TTC31: variants seen among roughly 807,000 people sequenced by gnomAD.
The protein encoded by TTC31 is tetratricopeptide repeat protein 31.
A neutral mutation model predicts 60.4 loss-of-function variants in TTC31; 59 were observed. That is an observed-to-expected ratio of 0.98 (90% CI 0.79 to 1.21). The LOEUF (loss-of-function observed/expected upper bound fraction) is 1.21, where lower values mean the gene tolerates loss of function less well. TTC31 is among the 50% of genes most tolerant of loss of function. TTC31 has a pLI of 0.00. For synonymous variants in TTC31, 225 were observed against 249.6 expected (o/e 0.90, Z 0.93); for missense variants, 672 against 646.9 (o/e 1.04, Z -0.42).
chr2:74,492,788 A>T, intron 12 of TTC31, 41 bp downstream of exon 12: 2 of 1,605,434 alleles, frequency 1.2e-6, no homozygotes, highest in Middle Eastern at 1.7e-4. Context: ...GGCGGGTATC[A>T]GGGAGAATTG....
At chr2:74,485,178 C>G (rs1262576114) in intron 2 of TTC31, among the ~76,000 whole-genome samples, 1 of 151,974 alleles carries the variant, frequency 6.6e-6, no homozygotes, top group African/African-American at 2.4e-5. Context: ...AGACACCCAC[C>G]ACCACGCCCA....
rs745839013 is a variant in TTC31 at position 74,493,233 on chromosome 2, C to G, written c.*15C>G. 6.2e-7 allele frequency: 1 copy of G among 1,613,460 alleles called. No individual in the cohort carries two copies. Among genetic ancestry groups the G allele is most frequent in the African/African-American group, 1.3e-5 (1 of 74,916 alleles). The stretch of plus-strand genomic sequence containing the variant: ...AGGCCAGATGAGGGGGCACCGGTCC[C>G]TCATAGGGCAGGGCCATGTATATAT... On this transcript the variant is annotated 3_prime_UTR_variant, in exon 13 of 13. Transcript: ENST00000233623.
In TTC31 at chr2:74,489,941, G is replaced by A. The variant is rs1673614974; in HGVS notation, c.130-84G>A. Reference sequence around the variant, plus strand: ...ATAGCTGGTTGGTGGCTGCCATGGTGGAGAGATCAAGCCAGCGAAGCCCTT... The same window carrying A: ...ATAGCTGGTTGGTGGCTGCCATGGTAGAGAGATCAAGCCAGCGAAGCCCTT... On this transcript the variant is annotated intron_variant, in intron 2 of 12. Transcript: ENST00000233623. 3 of 974,314 alleles carry A rather than the reference G, an allele frequency of 3.1e-6. No homozygotes were observed. In the Admixed American group the frequency reaches 6.1e-5, roughly 20 times the overall value. The allele number at this position is 974,314 out of a possible 1,614,324, so 60.4% of individuals were successfully genotyped here.
At position 74,490,295 on chromosome 2, in the gene TTC31, A is replaced by ACAG; in HGVS notation, c.285_287dup (p.Asp95_Arg96insSer). 1.2e-6 allele frequency: 2 copies of ACAG among 1,614,120 alleles called. No homozygotes were observed. The highest frequency in any genetic ancestry group is 8.5e-7 in the Non-Finnish European group (1 of 1,179,994). On this transcript the variant is annotated inframe_insertion, in exon 4 of 13. Coordinates refer to ENST00000233623, the MANE Select transcript of TTC31 (RefSeq NM_022492.6). The stretch of plus-strand genomic sequence containing the variant: ...GAAGGGAAATCAACTGGACAGAGTG[A>ACAG]CAGGGGCAAGGGGGCTGAGGGACTG...
Position 74,492,389 on chromosome 2 carries a change from C to T in TTC31, c.1105C>T (p.Arg369Trp), listed in dbSNP as rs761095407. Residue 369 changes from arginine (R) to tryptophan (W), a missense_variant, in exon 11 of 13, where the codon CGG becomes TGG. Physicochemically the swap from Arg to Trp is moderately radical, Grantham distance 101 (BLOSUM62 -3). Transcript: ENST00000233623. ...TGATGCCCAGGTGGCCCTTACCCTA[C>T]GGCCTGGCTGGCCCCGGGGCCTCTT... is the stretch of plus-strand genomic sequence containing the variant. The part of the protein sequence containing the change: ...LADAQVALTL[R>W]PGWPRGLFRL... 56 of 1,532,162 alleles carry T rather than the reference C, an allele frequency of 3.7e-5. No individual in the cohort carries two copies. The highest frequency in any genetic ancestry group is 4.1e-5 in the Non-Finnish European group (47 of 1,140,394). 94.9% of individuals were successfully genotyped at this position (1,532,162 alleles called of 1,614,324 possible).
rs112140656 is a variant in TTC31, at chr2:74,490,985, CTT to C, written c.547-142_547-141del. ...CATGAGGCCTCTTGCTGGTGCCTCT[CTT>C]GTCTGCTTTTTCACCTGCAAAATGA... On this transcript the variant is annotated intron_variant, in intron 5 of 12. Transcript: ENST00000233623. 6.1e-3 allele frequency: 7,213 copies of C among 1,185,378 alleles called. 53 individuals carry two copies. Among genetic ancestry groups the C allele is most frequent in the African/African-American group, 0.017 (1,097 of 66,074 alleles). 73.4% of individuals were successfully genotyped at this position (1,185,378 alleles called of 1,614,324 possible).
intron 6 of TTC31, 55 bp downstream of exon 6, chr2:74,491,239 A>G (rs1673840362): frequency 6.2e-7 from 1 of 1,614,184 alleles, no homozygotes; most frequent in Non-Finnish European, 8.5e-7. Flanking sequence ...GTGAGGGCCA[A>G]GAAAGCAGGC....
At chr2:74,488,340 T>G (rs1229019412) in intron 2 of TTC31, among the ~76,000 whole-genome samples, 1 of 152,226 alleles carries the variant, frequency 6.6e-6, no homozygotes, top group Non-Finnish European at 1.5e-5. Flanking sequence ...CTACAGATTT[T>G]TTTTTAGCAC....
rs953075656 is a variant in TTC31, at chr2:74,484,809, G to T, written c.129+1399G>T. On this transcript the variant is annotated intron_variant, in intron 2 of 12. Coordinates refer to ENST00000233623, the MANE Select transcript of TTC31 (RefSeq NM_022492.6). ...GGATCAGATTTGGAAGCATTGAGGC[G>T]CTATACTCCCTAGAATCTCAAACTC... 3.3e-5 allele frequency among the ~76,000 whole-genome samples: 5 copies of T among 152,072 alleles called. No individual in the cohort carries two copies. In the South Asian group the frequency reaches 1.0e-3, roughly 32 times the overall value.
At chr2:74,487,505 A>C (rs994236175) in intron 2 of TTC31, among the ~76,000 whole-genome samples, 9 of 152,002 alleles carry the variant, frequency 5.9e-5, no homozygotes, top group African/African-American at 1.7e-4. Context: ...GGTGTGAGCC[A>C]CTGCACCCGG....
chr2:74,492,777 A>G (rs1277533576), intron 12 of TTC31, 30 bp downstream of exon 12: 19 of 1,608,356 alleles, frequency 1.2e-5, no homozygotes, highest in Non-Finnish European at 1.5e-5. Context: ...TGTCATGCTG[A>G]GGCGGGTATC....
chr2:74,487,570 G>T (rs1169003744), intron 2 of TTC31, among the ~76,000 whole-genome samples: 1 of 151,724 alleles, frequency 6.6e-6, no homozygotes, highest in African/African-American at 2.4e-5. Context: ...TGACTACACT[G>T]GTTTGAGGAG....
chr2:74,484,346 G>A (rs1439315306), intron 2 of TTC31, among the ~76,000 whole-genome samples: 1 of 152,244 alleles, frequency 6.6e-6, no homozygotes, highest in Admixed American at 6.5e-5. Flanking sequence ...CCAGAGTAGA[G>A]AATCTGGTTG....
Position 74,490,675 on chromosome 2 carries a change from A to T in TTC31, c.482A>T (p.Glu161Val). ...VTEEEANRLA[E>V]ELVAEEERMK... ...CTTCAGGAAGCCAATCGCCTGGCTGAGGAGCTGGTGGCTGAGGAGGAGCGC... is the reference window on the plus strand; with the variant it reads ...CTTCAGGAAGCCAATCGCCTGGCTGTGGAGCTGGTGGCTGAGGAGGAGCGC... Residue 161 changes from glutamate (E) to valine (V), a missense_variant, in exon 5 of 13, where the codon GAG becomes GTG. Transcript: ENST00000233623. The T allele has an allele frequency of 6.4e-7, 1 of 1,572,012 alleles. No individual in the cohort carries two copies. Among genetic ancestry groups the T allele is most frequent in the South Asian group, 1.1e-5 (1 of 90,426 alleles).
At position 74,491,585 on chromosome 2, in the gene TTC31, A is replaced by T; in HGVS notation, c.789A>T (p.Gln263His). 4 of 1,614,254 alleles carry T rather than the reference A, an allele frequency of 2.5e-6. No homozygotes were observed. Among genetic ancestry groups the T allele is most frequent in the Non-Finnish European group, 3.4e-6 (4 of 1,180,046 alleles). The change falls in exon 8 of 13, where the codon CAA (glutamine) becomes CAT (histidine). Residue 263 changes from glutamine to histidine, a missense_variant. Coordinates refer to ENST00000233623, the MANE Select transcript of TTC31 (RefSeq NM_022492.6). ...RREKGLNQEPQGRGLALQKMG... is the reference protein window; with the variant it reads ...RREKGLNQEPHGRGLALQKMG... The stretch of plus-strand genomic sequence containing the variant: ...AGAAGGGACTGAACCAGGAGCCCCA[A>T]GGCAGGGGTCTGGCCCTCCAGAAGA...
chr2:74,485,857 A>G (rs1322012209), intron 2 of TTC31, among the ~76,000 whole-genome samples: 1 of 149,812 alleles, frequency 6.7e-6, no homozygotes, highest in Non-Finnish European at 1.5e-5. Flanking sequence ...ACCCTCCTTG[A>G]CTTCCCAAAG....
intron 2 of TTC31, 186 bp downstream of exon 2, chr2:74,483,596 C>T: frequency 6.9e-7 from 1 of 1,459,546 alleles, no homozygotes; most frequent in Non-Finnish European, 9.0e-7. Flanking sequence ...GGAGGATGAT[C>T]CTGATGTAAC....
intron 2 of TTC31, among the ~76,000 whole-genome samples, chr2:74,485,030 T>TC (rs936150070): frequency 6.8e-6 from 1 of 148,056 alleles, no homozygotes; most frequent in Non-Finnish European, 1.5e-5. Flanking sequence ...TTTACTTTTT[T>TC]TTTTTTTTTT....
In TTC31 at chr2:74,491,184, G is replaced by C; in HGVS notation, c.603G>C (p.Lys201Asn). 6.2e-7 allele frequency: 1 copy of C among 1,614,154 alleles called. No individual in the cohort carries two copies. The highest frequency in any genetic ancestry group is 8.5e-7 in the Non-Finnish European group (1 of 1,180,014). The change falls in exon 6 of 13, where the codon AAG becomes AAC. Residue 201 changes from lysine (K) to asparagine (N), a missense_variant and splice_region_variant. Coordinates refer to ENST00000233623, the MANE Select transcript of TTC31 (RefSeq NM_022492.6). The stretch of plus-strand genomic sequence containing the variant: ...TGGAGCAGTACTGTGGGGAGCCCAA[G>C]GTGAGTATCTAGGGCAGGTACTAAG... ...ERLEQYCGEP[K>N]ASTTSDGDES...
Sources: allele counts gnomAD v4.1 joint callset (sites outside exome capture counted in the v4.1 genomes callset), GRCh38; gene constraint gnomAD v4.1.1; transcripts MANE v1.5; gene names NCBI Gene and HGNC (gene_info 2026-07-23, HGNC 2026-07-21).